The following SLC9A1 variants were observed in gnomAD, a reference collection of about 807,000 sequenced individuals.
SLC9A1 encodes sodium/hydrogen exchanger 1.
In SLC9A1, 22 loss-of-function variants were observed where a neutral mutation model predicts 67.9. The ratio of observed to expected loss-of-function variants is 0.32; its 90% CI spans 0.23 to 0.46. The LOEUF is 0.46. Ranked by LOEUF, SLC9A1 falls within the 20% of genes least tolerant of loss-of-function variation. SLC9A1 has a pLI of 1.00. For synonymous variants in SLC9A1, 421 were observed against 471.8 expected, an observed-to-expected ratio of 0.89 and a Z score of 1.40; for missense variants, 686 against 1,094.8, an observed-to-expected ratio of 0.63 and a Z score of 5.27.
intron 6 of SLC9A1, 34 bp downstream of exon 6, chr1:27,103,189 T>C (rs2083160127): frequency 6.7e-7 from 1 of 1,492,948 alleles, no homozygotes; most frequent in East Asian, 2.3e-5. Flanking sequence ...TGTTCCTCCT[T>C]CTGCAACCAA....
chr1:27,141,971 A>G (rs2083455808), intron 1 of SLC9A1, among the ~76,000 whole-genome samples: 1 of 152,212 alleles, frequency 6.6e-6, no homozygotes, highest in South Asian at 2.1e-4. Flanking sequence ...GAGGGATTCA[A>G]TGGGTGAAGG....
At chr1:27,119,865 T>C (rs989171574) in intron 1 of SLC9A1, among the ~76,000 whole-genome samples, 1 of 152,174 alleles carries the variant, frequency 6.6e-6, no homozygotes, top group African/African-American at 2.4e-5. Context: ...GCGGTAGGTT[T>C]TTCTTTCCAT....
At chr1:27,133,069 ATTCT>A (rs2083396863) in intron 1 of SLC9A1, among the ~76,000 whole-genome samples, 1 of 150,662 alleles carries the variant, frequency 6.6e-6, no homozygotes, top group Admixed American at 6.6e-5. Flanking sequence ...TTGTTTCCTG[ATTCT>A]TTTTTTTTTT....
rs942411069 is a variant in SLC9A1, at chr1:27,106,418, G to A, written c.1283-331C>T. Among the ~76,000 whole-genome samples the A allele has an allele frequency of 6.6e-6, 1 of 152,040 alleles. No individual in the cohort carries two copies. Among genetic ancestry groups the A allele is most frequent in the Non-Finnish European group, 1.5e-5 (1 of 67,976 alleles). On this transcript the variant is annotated intron_variant, in intron 4 of 11. Transcript: ENST00000263980. The surrounding 1 kb of genome is among the most constrained non-coding windows in gnomAD (Gnocchi z 4.3). ...CTTGTTAAATGTGATGGGTGTGTGG[G>A]GGGTCATGATCCTATTCTCTCTACT... is the stretch of plus-strand genomic sequence containing the variant.
chr1:27,125,002 A>T (rs1222905996), intron 1 of SLC9A1, among the ~76,000 whole-genome samples: 2 of 151,994 alleles, frequency 1.3e-5, no homozygotes, highest in East Asian at 3.9e-4. Flanking sequence ...TCGTCCCCAA[A>T]CCTGCTCCTC....
Position 27,101,894 on chromosome 1 carries a change from G to C in SLC9A1, c.1936-68C>G, listed in dbSNP as rs1378603448. The C allele has an allele frequency of 6.9e-7, 1 of 1,450,412 alleles. No homozygotes were observed. The highest frequency in any genetic ancestry group is 9.7e-7 in the Non-Finnish European group (1 of 1,035,982). The allele number at this position is 1,450,412 out of a possible 1,614,324, so 89.8% of individuals were successfully genotyped here. On this transcript the variant is annotated intron_variant, in intron 9 of 11. Coordinates refer to ENST00000263980, the MANE Select transcript of SLC9A1 (RefSeq NM_003047.5). The surrounding 1 kb of genome is among the most constrained non-coding windows in gnomAD (Gnocchi z 4.9). ...CTCTGCTCATGGAGGGGTGGGGGCA[G>C]TGCTGGAGGCCGGGCCAGTCCTGGG...
At position 27,154,374 on chromosome 1, in the gene SLC9A1, A is replaced by G. The variant is rs755401850; in HGVS notation, c.-40T>C. ...AGCCAGCCTCGACCTTACCCAAATG[A>G]GAGTAAAACCGGGCACATAGGTAGC... is the stretch of plus-strand genomic sequence containing the variant. On this transcript the variant is annotated 5_prime_UTR_variant, in exon 1 of 12. Coordinates refer to ENST00000263980, the MANE Select transcript of SLC9A1 (RefSeq NM_003047.5). The G allele has an allele frequency of 1.1e-5, 15 of 1,394,624 alleles. No homozygotes were observed. The highest frequency in any genetic ancestry group is 1.5e-5 in the Non-Finnish European group (15 of 1,022,728). 86.4% of individuals were successfully genotyped at this position (1,394,624 alleles called of 1,614,324 possible).
At chr1:27,140,066 T>C (rs1288709861) in intron 1 of SLC9A1, among the ~76,000 whole-genome samples, 1 of 151,992 alleles carries the variant, frequency 6.6e-6, no homozygotes, top group Non-Finnish European at 1.5e-5. Flanking sequence ...GTGCCGGGAT[T>C]ACAGGTGTGA....
chr1:27,137,799 C>T lies in SLC9A1; in HGVS notation c.352+16184G>A, dbSNP rs2083428838. Among the ~76,000 whole-genome samples, 1 of 152,208 alleles carries T rather than the reference C, an allele frequency of 6.6e-6. No individual in the cohort carries two copies. The highest frequency in any genetic ancestry group is 1.5e-5 in the Non-Finnish European group (1 of 68,024). On this transcript the variant is annotated intron_variant, in intron 1 of 11. Coordinates refer to ENST00000263980, the MANE Select transcript of SLC9A1 (RefSeq NM_003047.5). This position sits in a 1 kb window ranked among gnomAD's most constrained non-coding sequence, Gnocchi z 4.6. ...GGCTCAGCAAGGGAGGGGTGGCCAGCAGGAGTCCAGCAGAGCCTGGTGCCC... is the reference window on the plus strand; with the variant it reads ...GGCTCAGCAAGGGAGGGGTGGCCAGTAGGAGTCCAGCAGAGCCTGGTGCCC...
chr1:27,104,457 A>G (rs796430670), intron 5 of SLC9A1, among the ~76,000 whole-genome samples: 22 of 152,266 alleles, frequency 1.4e-4, no homozygotes, highest in African/African-American at 5.3e-4. Context: ...GCTCAATCAC[A>G]GCTCACAGCT....
At position 27,106,744 on chromosome 1, in the gene SLC9A1, TA is replaced by T. The variant is rs2083187606; in HGVS notation, c.1283-658del. ...CCCACGTGTGCCCCGGCCTGCTGCATAGGTTTGGAGGACTGCACGTGGCTCT... is the reference window on the plus strand; with the variant it reads ...CCCACGTGTGCCCCGGCCTGCTGCATGGTTTGGAGGACTGCACGTGGCTCT... On this transcript the variant is annotated intron_variant, in intron 4 of 11. Transcript: ENST00000263980. This position sits in a 1 kb window ranked among gnomAD's most constrained non-coding sequence, Gnocchi z 4.3. Among the ~76,000 whole-genome samples, 2 of 151,948 alleles carry T rather than the reference TA, an allele frequency of 1.3e-5. No homozygotes were observed. The highest frequency in any genetic ancestry group is 2.9e-5 in the Non-Finnish European group (2 of 67,944).
rs2083130098 is a variant in SLC9A1 at position 27,100,183 on chromosome 1, C to A, written c.*124G>T. On this transcript the variant is annotated 3_prime_UTR_variant, in exon 12 of 12. Coordinates refer to ENST00000263980, the MANE Select transcript of SLC9A1 (RefSeq NM_003047.5). This position sits in a 1 kb window ranked among gnomAD's most constrained non-coding sequence, Gnocchi z 5.6. ...GCTGGGGTGGGGGCTGTGGGCCCAG[C>A]TGCCATGCGGTAGGGGGAGGGGCAG... 4.5e-6 allele frequency: 3 copies of A among 664,230 alleles called. No homozygotes were observed. Among genetic ancestry groups the A allele is most frequent in the Non-Finnish European group, 4.8e-6 (2 of 416,010 alleles). 41.1% of individuals were successfully genotyped at this position (664,230 alleles called of 1,614,324 possible).
chr1:27,149,805 C>T (rs1166498053), intron 1 of SLC9A1, among the ~76,000 whole-genome samples: 4 of 152,224 alleles, frequency 2.6e-5, no homozygotes, highest in South Asian at 4.1e-4. Context: ...CTTCTGACTA[C>T]GTCTTTCCTT....
At chr1:27,107,298 T>C (rs796132060) in intron 4 of SLC9A1, among the ~76,000 whole-genome samples, 17 of 22,158 alleles carry the variant, frequency 7.7e-4, no homozygotes, top group African/African-American at 3.0e-3. Context: ...ATACACACAC[T>C]GCACCACAGC....
intron 5 of SLC9A1, 130 bp downstream of exon 5, chr1:27,105,755 G>T: frequency 1.2e-6 from 1 of 817,892 alleles, no homozygotes; most frequent in Non-Finnish European, 2.1e-6. Flanking sequence ...GCTCGCCCAA[G>T]GTCACACAGC....
In SLC9A1 at chr1:27,122,592, G is replaced by GC. The variant is rs1311424939; in HGVS notation, c.353-8307dup. The stretch of plus-strand genomic sequence containing the variant: ...AGAGGGTCCCCTGACCTTCAGCCTG[G>GC]CCCTGAATGCCCCATCCTAGCCTGC... On this transcript the variant is annotated intron_variant, in intron 1 of 11. Coordinates refer to ENST00000263980, the MANE Select transcript of SLC9A1 (RefSeq NM_003047.5). Among the ~76,000 whole-genome samples, 5 of 152,078 alleles carry GC rather than the reference G, an allele frequency of 3.3e-5. No homozygotes were observed. In the East Asian group the frequency reaches 9.7e-4, roughly 29 times the overall value.
chr1:27,101,365 C>G lies in SLC9A1; in HGVS notation c.2038-90G>C. 9.9e-7 allele frequency: 1 copy of G among 1,007,962 alleles called. No individual in the cohort carries two copies. Among genetic ancestry groups the G allele is most frequent in the South Asian group, 1.3e-5 (1 of 74,600 alleles). The allele number at this position is 1,007,962 out of a possible 1,614,324, so 62.4% of individuals were successfully genotyped here. ...CCCGGCCAGTGCACACCCCACCTTT[C>G]GTATATGCAGGGCGCTTGCTCCCCC... On this transcript the variant is annotated intron_variant, in intron 10 of 11. Coordinates refer to ENST00000263980, the MANE Select transcript of SLC9A1 (RefSeq NM_003047.5). The surrounding 1 kb of genome is among the most constrained non-coding windows in gnomAD (Gnocchi z 4.9).
chr1:27,131,916 G>A (rs531919869), intron 1 of SLC9A1, among the ~76,000 whole-genome samples: 20 of 93,124 alleles, frequency 2.1e-4, no homozygotes, highest in Admixed American at 1.1e-3. Context: ...GGGAGAATCC[G>A]TCTCAAAAAG....
chr1:27,115,183 C>CCTT (rs1376380901), intron 1 of SLC9A1, among the ~76,000 whole-genome samples: 2 of 152,172 alleles, frequency 1.3e-5, no homozygotes, highest in Non-Finnish European at 2.9e-5. Context: ...GCTCTCCTAT[C>CCTT]CTTCCCTCCC....
Sources: gnomAD v4.1 joint callset for allele counts (sites outside exome capture counted in the v4.1 genomes callset) on GRCh38, gnomAD v4.1.1 for gene constraint, Gnocchi (gnomAD v3.1) non-coding constraint, MANE v1.5 for transcripts, NCBI Gene and HGNC (gene_info 2026-07-23, HGNC 2026-07-21) for gene names.